POLR3K: variants seen among roughly 807,000 people sequenced by gnomAD.
The protein encoded by POLR3K is RNA polymerase III subunit K, also known as DNA-directed RNA polymerase III subunit RPC10.
Under a neutral mutation model 13.5 loss-of-function variants are expected in POLR3K, and 11 were observed. The observed-to-expected ratio is 0.81, with a 90% CI of 0.51 to 1.35. The LOEUF is 1.35. POLR3K is among the 40% of genes most tolerant of loss of function. The pLI is 0.00. For missense variants in POLR3K, 144 were observed against 145.3 expected (o/e 0.99, Z 0.05); for synonymous variants, 56 against 51.5 (o/e 1.09, Z -0.38).
Position 51,634 on chromosome 16 carries a change from C to G in POLR3K, c.123G>C (p.Arg41=), listed in dbSNP as rs750655576. ...VHNITRKVTN[R]KYPKLKEVDD... ...CCACTTCTTTCAGTTTTGGGTACTT[C>G]CGATTTGTTACCTAACAAAAACAAC... The change falls in exon 2 of 3, where the codon CGG becomes CGC. Residue 41 remains arginine (R), a synonymous_variant. Transcript: ENST00000293860. 1 of 1,613,940 alleles carries G rather than the reference C, an allele frequency of 6.2e-7. No homozygotes were observed.
rs374241296 is a variant in POLR3K at position 53,608 on chromosome 16, C to T, written c.-22G>A. On this transcript the variant is annotated 5_prime_UTR_variant, in exon 1 of 3. Coordinates refer to ENST00000293860, the MANE Select transcript of POLR3K (RefSeq NM_016310.5). ...GCATGGTCTCGAACTCCGCAGGCTC[C>T]AACTCCCGGCAGCTCCCACTGCCGC... is the stretch of plus-strand genomic sequence containing the variant. The T allele has an allele frequency of 1.1e-5, 18 of 1,592,570 alleles. No homozygotes were observed. The highest frequency in any genetic ancestry group is 2.7e-5 in the African/African-American group (2 of 74,230).
At chr16:49,998 G>T (rs1897318093) in intron 2 of POLR3K, among the ~76,000 whole-genome samples, 1 of 151,416 alleles carries the variant, frequency 6.6e-6, no homozygotes, top group Non-Finnish European at 1.5e-5. Context: ...CGTTCTTGTT[G>T]CCCAGGCTGG....
chr16:53,460 G>A lies in POLR3K; in HGVS notation c.111+16C>T, dbSNP rs1201097337. ...GCGAGAGTCGCCCGCGCCCAGCGCC[G>A]GCCTTCGGGTCCCACCTTGCGGGTG... On this transcript the variant is annotated intron_variant, in intron 1 of 2. Coordinates refer to ENST00000293860, the MANE Select transcript of POLR3K (RefSeq NM_016310.5). The A allele has an allele frequency of 1.2e-6, 2 of 1,600,254 alleles. No homozygotes were observed. The highest frequency in any genetic ancestry group is 2.7e-5 in the African/African-American group (2 of 74,480).
Position 49,544 on chromosome 16 carries a change from C to A in POLR3K, c.200-1987G>T, listed in dbSNP as rs563324858. On this transcript the variant is annotated intron_variant, in intron 2 of 2. Transcript: ENST00000293860. ...AGGCTGGAGTGGCATGGTCTCGGCT[C>A]ACTGCAACCTCCGCCTCCTGGTTCA... Among the ~76,000 whole-genome samples the A allele has an allele frequency of 7.3e-5, 11 of 151,478 alleles. No individual in the cohort carries two copies. The South Asian group carries it at 2.3e-3, about 32-fold the overall frequency.
intron 1 of POLR3K, chr16:52,903 G>A (rs1248926384): frequency 1.3e-5 from 2 of 152,264 alleles, no homozygotes; most frequent in Non-Finnish European, 2.9e-5. Context: ...TGGAAGGAGG[G>A]GCTGAAATTT....
At chr16:52,431 A>G (rs555735467) in intron 1 of POLR3K, among the ~76,000 whole-genome samples, 81 of 134,074 alleles carry the variant, frequency 6.0e-4, no homozygotes, top group African/African-American at 2.2e-3. Context: ...TGGGAAACAG[A>G]GCGAGACTCT....
In POLR3K at chr16:46,642, TGAA is replaced by T. The variant is rs1897285794; in HGVS notation, c.*785_*787del. On this transcript the variant is annotated 3_prime_UTR_variant, in exon 3 of 3. Transcript: ENST00000293860. Reference sequence around the variant, plus strand: ...GGGAGGCTGAGACAGGAGAATCCCTTGAACCCGGAAGGCAGAGGTTGCAGTGAG... The same window carrying T: ...GGGAGGCTGAGACAGGAGAATCCCTTCCCGGAAGGCAGAGGTTGCAGTGAG... The T allele has an allele frequency of 6.6e-6, 1 of 151,990 alleles. No individual in the cohort carries two copies. The highest frequency in any genetic ancestry group is 1.5e-5 in the Non-Finnish European group (1 of 68,034). 9.4% of individuals were successfully genotyped at this position (151,990 alleles called of 1,614,324 possible).
intron 2 of POLR3K, among the ~76,000 whole-genome samples, chr16:50,826 GA>G (rs1473224489): frequency 6.6e-6 from 1 of 152,198 alleles, no homozygotes; most frequent in Non-Finnish European, 1.5e-5. Context: ...ACCCAGCCAA[GA>G]AAAGAGGTCT....
Position 46,997 on chromosome 16 carries a change from T to C in POLR3K, c.*433A>G, listed in dbSNP as rs1174421843. 6.6e-6 allele frequency: 1 copy of C among 152,358 alleles called. No individual in the cohort carries two copies. The highest frequency in any genetic ancestry group is 2.4e-5 in the African/African-American group (1 of 41,450). The allele number at this position is 152,358 out of a possible 1,614,324, so 9.4% of individuals were successfully genotyped here. The stretch of plus-strand genomic sequence containing the variant: ...TGAGAAGGCAATATTCCAACTTTCA[T>C]TTAAATGAAATATTCAGAATTTTGA... On this transcript the variant is annotated 3_prime_UTR_variant, in exon 3 of 3. Transcript: ENST00000293860.
At chr16:53,205 G>A (rs1222928276) in intron 1 of POLR3K, 2 of 524,658 alleles carry the variant, frequency 3.8e-6, no homozygotes, top group Non-Finnish European at 6.3e-6. Context: ...ACGGACCTGC[G>A]TGCCTCAGCT....
At position 53,556 on chromosome 16, in the gene POLR3K, C is replaced by A. The variant is rs752867038; in HGVS notation, c.31G>T (p.Gly11Trp). Residue 11 changes from glycine (G) to tryptophan (W), a missense_variant, in exon 1 of 3, where the codon GGG becomes TGG. Coordinates refer to ENST00000293860, the MANE Select transcript of POLR3K (RefSeq NM_016310.5). MLLFCPGCGN[G>W]LIVEEGQRCH... ...CGTTGTCCCTCCTCCACGATCAGCC[C>A]GTTCCCGCAGCCGGGGCAGAACAGC... is the stretch of plus-strand genomic sequence containing the variant. The A allele has an allele frequency of 1.6e-5, 26 of 1,613,032 alleles. No individual in the cohort carries two copies. Among genetic ancestry groups the A allele is most frequent in the Non-Finnish European group, 1.9e-5 (23 of 1,179,724 alleles).
chr16:51,404 A>G (rs537570797), intron 2 of POLR3K, among the ~76,000 whole-genome samples, 154 bp downstream of exon 2: 8 of 152,370 alleles, frequency 5.3e-5, no homozygotes, highest in African/African-American at 1.7e-4. Context: ...ACAGATTATT[A>G]AACAGTAACA....
Position 47,460 on chromosome 16 carries a change from A to AT in POLR3K, c.296dup (p.Asn99LysfsTer29). On this transcript the variant is annotated frameshift_variant, in exon 3 of 3. Transcript: ENST00000293860. LOFTEE classifies it high-confidence loss of function. ...CCCTCCAGCGGTGTCCACACTGAGC[A>AT]TTGCAGCACTTGTAGAAGGTGGTCA... 1 of 1,612,942 alleles carries AT rather than the reference A, an allele frequency of 6.2e-7. No homozygotes were observed. Among genetic ancestry groups the AT allele is most frequent in the Non-Finnish European group, 8.5e-7 (1 of 1,179,212 alleles).
At chr16:51,718 G>A in intron 1 of POLR3K, 73 bp from the exon 2 acceptor site, 1 of 1,292,932 alleles carries the variant, frequency 7.7e-7, no homozygotes, top group Non-Finnish European at 1.1e-6. Flanking sequence ...TTAAATTTCA[G>A]GATTACATAA....
At chr16:49,013 G>A (rs979243499) in intron 2 of POLR3K, among the ~76,000 whole-genome samples, 4 of 151,958 alleles carry the variant, frequency 2.6e-5, no homozygotes, top group African/African-American at 7.2e-5. Context: ...TTAGCCGGGC[G>A]TGGTGGCAGG....
chr16:52,765 CAAAAAAAAAAAAAAAAA>C (rs946489081), intron 1 of POLR3K, among the ~76,000 whole-genome samples: 4 of 33,610 alleles, frequency 1.2e-4, no homozygotes, highest in Non-Finnish European at 1.2e-4. Context: ...GACTCCGTCT[CAAAAAAAAAAAAAAAAA>C]AAAAAAAAAA....
At chr16:48,342 C>T (rs1452149765) in intron 2 of POLR3K, among the ~76,000 whole-genome samples, 3 of 152,182 alleles carry the variant, frequency 2.0e-5, no homozygotes, top group African/African-American at 7.2e-5. Context: ...CCCCTCCCCT[C>T]CCTGAGTCCC....
At chr16:50,381 C>T (rs1240911040) in intron 2 of POLR3K, among the ~76,000 whole-genome samples, 1 of 152,194 alleles carries the variant, frequency 6.6e-6, no homozygotes. Flanking sequence ...GTCTACCAGA[C>T]ATGCAATAAA....
chr16:52,706 C>A (rs2141835508), intron 1 of POLR3K, among the ~76,000 whole-genome samples: 1 of 139,780 alleles, frequency 7.2e-6, no homozygotes, highest in African/African-American at 2.7e-5. Flanking sequence ...GCAGAGCTTG[C>A]AGTGAGCCGA....
Sources: gnomAD v4.1 joint callset for allele counts (sites outside exome capture counted in the v4.1 genomes callset) on GRCh38, gnomAD v4.1.1 for gene constraint, MANE v1.5 for transcripts, NCBI Gene and HGNC (gene_info 2026-07-23, HGNC 2026-07-21) for gene names.